RHOBTB2: variants seen among roughly 807,000 people sequenced by gnomAD.
The protein encoded by RHOBTB2 is rho-related BTB domain-containing protein 2.
A neutral mutation model predicts 66.5 loss-of-function variants in RHOBTB2; 39 were observed. That is an observed-to-expected ratio of 0.59 (90% confidence interval 0.45 to 0.77). The LOEUF (loss-of-function observed/expected upper bound fraction) is 0.77. Among genes scored for constraint, RHOBTB2 ranks in the 30% least tolerant of loss-of-function variants. RHOBTB2 has a pLI of 0.00. For missense variants in RHOBTB2, 755 were observed against 999.1 expected (o/e 0.76, Z 3.29); for synonymous variants, 390 against 395.0 (o/e 0.99, Z 0.15).
chr8:22,982,857 G>A (rs1010218274), upstream of RHOBTB2, among the ~76,000 whole-genome samples: 5 of 152,160 alleles, frequency 3.3e-5, no homozygotes, highest in Non-Finnish European at 5.9e-5. Flanking sequence ...ACTCAGTGTC[G>A]GGTGAGGGCT....
At chr8:23,013,369 GC>G (rs1195268802) in intron 7 of RHOBTB2, among the ~76,000 whole-genome samples, 2 of 152,068 alleles carry the variant, frequency 1.3e-5, no homozygotes, top group African/African-American at 4.8e-5. Context: ...CTAAGAGGAA[GC>G]CCTTTGCCTA....
At chr8:23,010,474 G>C in intron 6 of RHOBTB2, 64 bp from the exon 7 acceptor site, 1 of 1,546,898 alleles carries the variant, frequency 6.5e-7, no homozygotes, top group Non-Finnish European at 8.8e-7. Flanking sequence ...CAATTTCTCA[G>C]GGTTCAGTTC....
chr8:23,017,257 C>G lies in RHOBTB2; in HGVS notation c.1972C>G (p.Gln658Glu). The change falls in exon 10 of 10, where the codon CAG (glutamine) becomes GAG (glutamate). Residue 658 changes from glutamine (Q) to glutamate (E), a missense_variant. Physicochemically the swap from Gln to Glu is conservative, Grantham distance 29. Transcript: ENST00000251822. This position sits in a 1 kb window ranked among gnomAD's most constrained non-coding sequence, Gnocchi z 5.3. Reference protein sequence around the residue: ...RDMKAMSPENQEYFEKHRWPP... With the variant: ...RDMKAMSPENEEYFEKHRWPP... The stretch of plus-strand genomic sequence containing the variant: ...CTGCCTGCTCTCTGCTCCAGAAAAC[C>G]AGGAGTATTTCGAGAAGCATCGGTG... 1 of 1,614,122 alleles carries G rather than the reference C, an allele frequency of 6.2e-7. No individual in the cohort carries two copies. The highest frequency in any genetic ancestry group is 8.5e-7 in the Non-Finnish European group (1 of 1,180,018).
Position 23,017,684 on chromosome 8 carries a change from C to T in RHOBTB2, c.*215C>T. Reference sequence around the variant, plus strand: ...GGAACCACCTGCAGAGGTCCCCAGACCCAAAGCAGGACGGGAGACAACTGC... The same window carrying T: ...GGAACCACCTGCAGAGGTCCCCAGATCCAAAGCAGGACGGGAGACAACTGC... On this transcript the variant is annotated 3_prime_UTR_variant, in exon 10 of 10. Transcript: ENST00000251822. The surrounding 1 kb of genome is among the most constrained non-coding windows in gnomAD (Gnocchi z 5.3). 1 of 674,724 alleles carries T rather than the reference C, an allele frequency of 1.5e-6. No individual in the cohort carries two copies. The highest frequency in any genetic ancestry group is 2.4e-6 in the Non-Finnish European group (1 of 409,216). The allele number at this position is 674,724 out of a possible 1,614,324, so 41.8% of individuals were successfully genotyped here. A position where few individuals can be genotyped will look rare whatever the true frequency, so the allele number is the denominator to read the frequency against.
At position 23,006,884 on chromosome 8, in the gene RHOBTB2, C is replaced by T; in HGVS notation, c.639C>T (p.His213=). 1.2e-6 allele frequency: 2 copies of T among 1,614,144 alleles called. No homozygotes were observed. The highest frequency in any genetic ancestry group is 1.7e-6 in the Non-Finnish European group (2 of 1,180,034). The part of the protein sequence containing the change: ...AIRAALISRR[H]LQFWKSHLRN... ...GAGCTGCACTCATCTCCCGCCGCCACCTGCAGTTCTGGAAGTCCCACCTCC... is the reference window on the plus strand; with the variant it reads ...GAGCTGCACTCATCTCCCGCCGCCATCTGCAGTTCTGGAAGTCCCACCTCC... Residue 213 remains histidine, a synonymous_variant, in exon 5 of 10, where the codon CAC becomes CAT. Coordinates refer to ENST00000251822, the MANE Select transcript of RHOBTB2 (RefSeq NM_015178.3). This position sits in a 1 kb window ranked among gnomAD's most constrained non-coding sequence, Gnocchi z 6.1.
chr8:23,006,398 C>A lies in RHOBTB2; in HGVS notation c.482+253C>A. The A allele has an allele frequency of 3.6e-6, 2 of 552,248 alleles. No individual in the cohort carries two copies. Among genetic ancestry groups the A allele is most frequent in the Non-Finnish European group, 6.4e-6 (2 of 312,110 alleles). The allele number at this position is 552,248 out of a possible 1,614,324, so 34.2% of individuals were successfully genotyped here. ...AGAGGTGATATTTGCATGAAAAAGTCCTATAATTTTGCTGAGGGATAAACT... is the reference window on the plus strand; with the variant it reads ...AGAGGTGATATTTGCATGAAAAAGTACTATAATTTTGCTGAGGGATAAACT... On this transcript the variant is annotated intron_variant, in intron 4 of 9. Coordinates refer to ENST00000251822, the MANE Select transcript of RHOBTB2 (RefSeq NM_015178.3). This position sits in a 1 kb window ranked among gnomAD's most constrained non-coding sequence, Gnocchi z 6.1.
chr8:23,008,184 C>T, intron 6 of RHOBTB2, 73 bp downstream of exon 6: 1 of 1,020,332 alleles, frequency 9.8e-7, no homozygotes. Flanking sequence ...GGCACTGCCA[C>T]TCAGGGTACT....
At chr8:22,954,762 G>GA in the RHOBTB2 span, among the ~76,000 whole-genome samples, 10 of 151,828 alleles carry the variant, frequency 6.6e-5, no homozygotes, top group African/African-American at 9.7e-5. Flanking sequence ...AAATATGACA[G>GA]AAAAAAAACC....
chr8:23,005,830 T>G (rs112671152), intron 3 of RHOBTB2, 130 bp from the exon 4 acceptor site: 1 of 796,338 alleles, frequency 1.3e-6, no homozygotes, highest in African/African-American at 1.7e-5. Flanking sequence ...ATATGTTTTG[T>G]GTCAAGAGCA....
chr8:23,003,046 G>A (rs1197792791), intron 1 of RHOBTB2, among the ~76,000 whole-genome samples: 1 of 152,224 alleles, frequency 6.6e-6, no homozygotes, highest in Non-Finnish European at 1.5e-5. Context: ...CAGCCAGGGT[G>A]CCTGGGCAGC....
the RHOBTB2 span, among the ~76,000 whole-genome samples, chr8:22,964,653 T>C: frequency 6.6e-6 from 1 of 152,070 alleles, no homozygotes; most frequent in Non-Finnish European, 1.5e-5. Context: ...CAATCGTGTA[T>C]GGTCAGTGAA....
the RHOBTB2 span, among the ~76,000 whole-genome samples, chr8:22,970,458 G>A: frequency 2.0e-5 from 3 of 152,066 alleles, no homozygotes; most frequent in African/African-American, 7.2e-5. Flanking sequence ...AATAATGTAA[G>A]CTGGGCATTG....
chr8:23,000,558 A>C (rs1345165152), intron 1 of RHOBTB2, among the ~76,000 whole-genome samples: 1 of 151,946 alleles, frequency 6.6e-6, no homozygotes, highest in East Asian at 1.9e-4. Context: ...TACTGGGGAG[A>C]TCTTTGGCGG....
Position 23,015,759 on chromosome 8 carries a change from A to G in RHOBTB2, c.1966+16A>G, listed in dbSNP as rs985572033. The G allele has an allele frequency of 6.4e-7, 1 of 1,552,294 alleles. No homozygotes were observed. The highest frequency in any genetic ancestry group is 8.9e-7 in the Non-Finnish European group (1 of 1,125,110). On this transcript the variant is annotated intron_variant, in intron 9 of 9. Transcript: ENST00000251822. ...ATGTCCCCAGGTGAGCATCGGGGCC[A>G]GTCCTGGCAGTACCTGCTGCCCTCC...
the RHOBTB2 span, among the ~76,000 whole-genome samples, chr8:22,980,792 A>G: frequency 6.6e-6 from 1 of 152,216 alleles, no homozygotes; most frequent in Non-Finnish European, 1.5e-5. Context: ...TTTTCTTCTA[A>G]CAACTTTGTG....
the RHOBTB2 span, among the ~76,000 whole-genome samples, chr8:22,954,228 G>A: frequency 0.017 from 2,564 of 152,312 alleles, 22 homozygotes; most frequent in South Asian, 0.028. Context: ...ATATTGACAT[G>A]AACATGAAAA....
the RHOBTB2 span, among the ~76,000 whole-genome samples, chr8:22,957,240 C>T: frequency 6.6e-6 from 1 of 152,060 alleles, no homozygotes; most frequent in Non-Finnish European, 1.5e-5. Flanking sequence ...GATGTGTATT[C>T]CTGGTGAGGC....
At chr8:22,962,179 C>CAAAAAAAAAAAAAAAAAA in the RHOBTB2 span, among the ~76,000 whole-genome samples, 22 of 13,834 alleles carry the variant, frequency 1.6e-3, 1 homozygote, top group East Asian at 0.012. Flanking sequence ...AACGAATTTA[C>CAAAAAAAAAAAAAAAAAA]AAAAAAAAAA....
intron 1 of RHOBTB2, among the ~76,000 whole-genome samples, chr8:22,990,545 C>T (rs1165442525): frequency 2.0e-5 from 3 of 152,218 alleles, no homozygotes; most frequent in Admixed American, 6.5e-5. Flanking sequence ...AGACTCTCCC[C>T]TCCAGCCAGG....
Sources: allele counts gnomAD v4.1 joint callset (sites outside exome capture counted in the v4.1 genomes callset), GRCh38; gene constraint gnomAD v4.1.1; non-coding constraint Gnocchi (gnomAD v3.1); transcripts MANE v1.5; gene names NCBI Gene and HGNC (gene_info 2026-07-23, HGNC 2026-07-21).